Variants in SLC16A1 observed in about 807,000 individuals in gnomAD.
SLC16A1 encodes the protein monocarboxylate transporter 1.
A neutral mutation model predicts 32.2 loss-of-function variants in SLC16A1; 11 were observed. The ratio of observed to expected loss-of-function variants is 0.34; its 90% CI spans 0.21 to 0.56. SLC16A1 has a LOEUF of 0.56. Ranked by LOEUF, SLC16A1 falls within the 20% of genes least tolerant of loss-of-function variation. The pLI is 0.87. For missense variants in SLC16A1, 435 were observed against 615.0 expected (o/e 0.71, Z 3.10); for synonymous variants, 231 against 226.8 (o/e 1.02, Z -0.17).
chr1:112,929,562 T>C (rs1056819203), intron 1 of SLC16A1, among the ~76,000 whole-genome samples: 1 of 151,856 alleles, frequency 6.6e-6, no homozygotes, highest in African/African-American at 2.4e-5. Context: ...TTTTAAAAAA[T>C]TAGCTGGGTA....
chr1:112,921,275 ATATAT>A (rs1268907076), intron 3 of SLC16A1, among the ~76,000 whole-genome samples: 15 of 152,324 alleles, frequency 9.8e-5, no homozygotes, highest in Admixed American at 4.6e-4. Context: ...GGAATCTCTG[ATATAT>A]TGTGGTGGGA....
chr1:112,921,650 C>T (rs1648739927), intron 3 of SLC16A1, among the ~76,000 whole-genome samples: 2 of 152,118 alleles, frequency 1.3e-5, no homozygotes, highest in Admixed American at 6.6e-5. Context: ...GTATCCTCTA[C>T]CCCTCAGAAA....
Position 112,914,211 on chromosome 1 carries a change from G to A in SLC16A1, c.1229-46C>T, listed in dbSNP as rs770845290. ...AAACAGTTGTTTCTAAGAGTAAACA[G>A]TTTTTTTTTCCCCCAAGCAAAGCTT... On this transcript the variant is annotated intron_variant, in intron 4 of 4. Transcript: ENST00000369626. The A allele has an allele frequency of 2.5e-6, 4 of 1,590,750 alleles. No individual in the cohort carries two copies. In the East Asian group the frequency reaches 9.0e-5, roughly 36 times the overall value.
Position 112,914,073 on chromosome 1 carries a change from T to G in SLC16A1, c.1321A>C (p.Met441Leu). The G allele has an allele frequency of 1.2e-6, 2 of 1,614,232 alleles. No homozygotes were observed. Among genetic ancestry groups the G allele is most frequent in the Non-Finnish European group, 8.5e-7 (1 of 1,180,048 alleles). ...IISGIYLFIG[M>L]GINYRLLAKE... ...GCCAAAAGTCGATAATTGATGCCCA[T>G]GCCAATGAAGAGATAGATACCTGAA... Residue 441 changes from methionine to leucine, a missense_variant, in exon 5 of 5, where the codon ATG becomes CTG. Met to Leu is a conservative substitution (Grantham distance 15, BLOSUM62 2). This residue lies in a region of SLC16A1 where 111 missense variants were observed against 114.7 expected (regional missense o/e 0.97). Coordinates refer to ENST00000369626, the MANE Select transcript of SLC16A1 (RefSeq NM_003051.4).
chr1:112,923,640 T>A, intron 2 of SLC16A1: 2 of 1,448,840 alleles, frequency 1.4e-6, no homozygotes, highest in Non-Finnish European at 1.9e-6. Flanking sequence ...GCTGGAGACG[T>A]CACTGAAGTG....
intron 2 of SLC16A1, 61 bp from the exon 3 acceptor site, chr1:112,922,194 T>C (rs1648761687): frequency 1.3e-6 from 2 of 1,505,160 alleles, no homozygotes; most frequent in Non-Finnish European, 1.8e-6. Flanking sequence ...TCTACACAAG[T>C]ATGAATGACA....
At chr1:112,946,721 T>A (rs1304244749) in intron 1 of SLC16A1, among the ~76,000 whole-genome samples, 2 of 152,108 alleles carry the variant, frequency 1.3e-5, no homozygotes, top group Non-Finnish European at 2.9e-5. Context: ...GCCCAGCTAT[T>A]TTTTGTATTT....
chr1:112,942,519 G>A (rs1649544018), intron 1 of SLC16A1, among the ~76,000 whole-genome samples: 1 of 152,228 alleles, frequency 6.6e-6, no homozygotes, highest in Non-Finnish European at 1.5e-5. Flanking sequence ...ATGGGTTTAA[G>A]TTTTCCTAGA....
Position 112,913,134 on chromosome 1 carries a change from A to T in SLC16A1, c.*757T>A, listed in dbSNP as rs1469121815. ...TCAAAAAGGGCAGTGATCTATAAAC[A>T]CTCAAAATGCATCTTTGAACAGGGG... On this transcript the variant is annotated 3_prime_UTR_variant, in exon 5 of 5. Transcript: ENST00000369626. 1 of 152,266 alleles carries T rather than the reference A, an allele frequency of 6.6e-6. No individual in the cohort carries two copies. The highest frequency in any genetic ancestry group is 1.5e-5 in the Non-Finnish European group (1 of 68,074). 9.4% of individuals were successfully genotyped at this position (152,266 alleles called of 1,614,324 possible). A position where few individuals can be genotyped will look rare whatever the true frequency, so the allele number is the denominator to read the frequency against.
At chr1:112,923,699 C>T in intron 2 of SLC16A1, 1 of 1,536,602 alleles carries the variant, frequency 6.5e-7, no homozygotes, top group Non-Finnish European at 9.0e-7. Flanking sequence ...GGCCAGACCA[C>T]AGCACCCCGG....
chr1:112,952,953 T>C (rs953359870), intron 1 of SLC16A1, among the ~76,000 whole-genome samples: 1 of 152,160 alleles, frequency 6.6e-6, no homozygotes, highest in East Asian at 1.9e-4. Context: ...CGTCTCTGAC[T>C]TTCCCAGTCT....
Position 112,923,391 on chromosome 1 carries a change from C to A in SLC16A1, c.218-1258G>T, listed in dbSNP as rs538923193. On this transcript the variant is annotated intron_variant, in intron 2 of 4. Transcript: ENST00000369626. ...TGCTTCCAACCACTGCACGTTGCTC[C>A]CGGGCTGTCGCAGTCTCCTGTTGCC... The A allele has an allele frequency of 6.5e-6, 4 of 613,604 alleles. No individual in the cohort carries two copies. The South Asian group carries it at 6.9e-5, about 11-fold the overall frequency. The allele number at this position is 613,604 out of a possible 1,614,324, so 38.0% of individuals were successfully genotyped here. A position where few individuals can be genotyped will look rare whatever the true frequency, so the allele number is the denominator to read the frequency against.
At chr1:112,943,268 C>T (rs1163928272) in intron 1 of SLC16A1, among the ~76,000 whole-genome samples, 2 of 152,176 alleles carry the variant, frequency 1.3e-5, no homozygotes, top group Non-Finnish European at 2.9e-5. Context: ...AAAAGCACCA[C>T]AGATTAGCCG....
At chr1:112,932,744 A>T in intron 1 of SLC16A1, among the ~76,000 whole-genome samples, 1 of 141,676 alleles carries the variant, frequency 7.1e-6, no homozygotes, top group Non-Finnish European at 1.5e-5. Context: ...CAGTGAGCCG[A>T]GATCGCGCCA....
rs538161095 is a variant in SLC16A1 at position 112,934,672 on chromosome 1, TAAAA to T, written c.-44-5324_-44-5321del. 3.8e-3 allele frequency among the ~76,000 whole-genome samples: 579 copies of T among 151,994 alleles called. 5 individuals carry two copies. The highest frequency in any genetic ancestry group is 0.013 in the African/African-American group (553 of 41,476). On this transcript the variant is annotated intron_variant, in intron 1 of 4. Transcript: ENST00000369626. ...TCTTTGTCTTAGTTATCTAGACGGT[TAAAA>T]GAAAGAGGAAGAAGACAAAGATGAG...
chr1:112,931,310 C>A (rs964871698), intron 1 of SLC16A1, among the ~76,000 whole-genome samples: 10 of 152,078 alleles, frequency 6.6e-5, no homozygotes, highest in African/African-American at 2.4e-4. Context: ...CAACAGCTAG[C>A]CAATACAGTT....
chr1:112,919,159 T>G (rs1333846363), intron 3 of SLC16A1, among the ~76,000 whole-genome samples: 1 of 151,684 alleles, frequency 6.6e-6, no homozygotes, highest in East Asian at 1.9e-4. Flanking sequence ...GCCTCCCGAG[T>G]AGCTGGGACT....
intron 3 of SLC16A1, among the ~76,000 whole-genome samples, chr1:112,920,276 C>T (rs1256913264): frequency 4.6e-5 from 7 of 152,108 alleles, no homozygotes; most frequent in Admixed American, 3.3e-4. Context: ...AGTTTGAGAC[C>T]AGCCTGGCCA....
At chr1:112,955,431 A>G (rs1256854826) in intron 1 of SLC16A1, 1 of 152,286 alleles carries the variant, frequency 6.6e-6, no homozygotes, top group Non-Finnish European at 1.5e-5. Context: ...CACTCCCAGG[A>G]GTCTGCGGGC....
Sources: gnomAD v4.1 joint callset for allele counts (sites outside exome capture counted in the v4.1 genomes callset) on GRCh38, gnomAD v4.1.1 for gene constraint, gnomAD v4.1.1 regional missense constraint, MANE v1.5 for transcripts, NCBI Gene and HGNC (gene_info 2026-07-23, HGNC 2026-07-21) for gene names.